Variants in CHAC2 observed in about 807,000 individuals in gnomAD.
CHAC2 encodes glutathione-specific gamma-glutamylcyclotransferase 2.
In CHAC2, 20 loss-of-function variants were observed where a neutral mutation model predicts 16.9. The observed-to-expected ratio is 1.18, with a 90% CI of 0.83 to 1.72. The LOEUF (loss-of-function observed/expected upper bound fraction) is 1.72. CHAC2 is among the 40% of genes most tolerant of loss of function. The pLI, the probability that CHAC2 is intolerant of heterozygous loss-of-function variation, is 0.00. For synonymous variants in CHAC2, 91 were observed against 77.3 expected (o/e 1.18, Z -0.93); for missense variants, 269 against 222.2 (o/e 1.21, Z -1.34).
chr2:53,768,851 C>A (rs1382143035), intron 1 of CHAC2, among the ~76,000 whole-genome samples: 1 of 152,128 alleles, frequency 6.6e-6, no homozygotes, highest in African/African-American at 2.4e-5. Context: ...AACAACTAAT[C>A]CATAAAGAAA....
Position 53,774,466 on chromosome 2 carries a change from G to A in CHAC2, c.496G>A (p.Ala166Thr), listed in dbSNP as rs757140753. ...VPEEADEHLF[A>T]LEKLVKERLE... ...AGAAGAAGCAGATGAGCATCTTTTC[G>A]CTTTGGAAAAATTAGTAAAGGAACG... The change falls in exon 3 of 3, where the codon GCT becomes ACT. Residue 166 changes from alanine (A) to threonine (T), a missense_variant. Physicochemically the swap from Ala to Thr is moderately conservative, Grantham distance 58. Transcript: ENST00000295304. The A allele has an allele frequency of 3.0e-5, 47 of 1,591,272 alleles. No homozygotes were observed. In the East Asian group the frequency reaches 3.4e-4, roughly 11 times the overall value.
rs749833800 is a variant in CHAC2 at position 53,768,015 on chromosome 2, C to A, written c.129C>A (p.Pro43=). The A allele has an allele frequency of 6.2e-7, 1 of 1,613,424 alleles. No homozygotes were observed. Among genetic ancestry groups the A allele is most frequent in the Non-Finnish European group, 8.5e-7 (1 of 1,179,974 alleles). ...WQGSTDHRGV[P]GKPGRVVTLV... ...GCAGCACGGACCACCGCGGGGTCCC[C>A]GGCAAGGTGAGGCGCCGGTCAGCTC... The change falls in exon 1 of 3, where the codon CCC becomes CCA. Residue 43 remains proline, a synonymous_variant. Coordinates refer to ENST00000295304, the MANE Select transcript of CHAC2 (RefSeq NM_001008708.4).
Position 53,774,402 on chromosome 2 carries a change from T to G in CHAC2, c.432T>G (p.Tyr144Ter), listed in dbSNP as rs752432878. 1 of 1,613,248 alleles carries G rather than the reference T, an allele frequency of 6.2e-7. No individual in the cohort carries two copies. Among genetic ancestry groups the G allele is most frequent in the Non-Finnish European group, 8.5e-7 (1 of 1,179,884 alleles). The stretch of plus-strand genomic sequence containing the variant: ...GTCCAAGTGGAAGAAATACAGAATA[T>G]CTTTTTGAACTTGCAAATTCTATTA... Reference protein sequence around the residue: ...AAGPSGRNTEYLFELANSIRN... With the variant: ...AAGPSGRNTE Residue 144 changes from tyrosine to a stop codon, truncating the protein, a stop_gained, in exon 3 of 3, where the codon TAT (tyrosine) becomes TAG (stop). Transcript: ENST00000295304. LOFTEE classifies it high-confidence loss of function.
rs2104176637 is a variant in CHAC2, at chr2:53,774,482, T to C, written c.512T>C (p.Val171Ala). 1.3e-6 allele frequency: 2 copies of C among 1,582,716 alleles called. No individual in the cohort carries two copies. The highest frequency in any genetic ancestry group is 4.5e-5 in the East Asian group (2 of 44,730). ...CATCTTTTCGCTTTGGAAAAATTAG[T>C]AAAGGAACGTTTAGAAGGGAAACAG... is the stretch of plus-strand genomic sequence containing the variant. ...DEHLFALEKL[V>A]KERLEGKQNL... The change falls in exon 3 of 3, where the codon GTA becomes GCA. Residue 171 changes from valine to alanine, a missense_variant. Coordinates refer to ENST00000295304, the MANE Select transcript of CHAC2 (RefSeq NM_001008708.4).
intron 1 of CHAC2, among the ~76,000 whole-genome samples, chr2:53,771,237 G>A (rs189468321): frequency 2.6e-5 from 4 of 152,254 alleles, no homozygotes; most frequent in Non-Finnish European, 4.4e-5. Context: ...ACTATAGGCC[G>A]GGTGCGGTGG....
In CHAC2 at chr2:53,767,851, G is replaced by A; in HGVS notation, c.-36G>A. 6.3e-7 allele frequency: 1 copy of A among 1,580,834 alleles called. No homozygotes were observed. The highest frequency in any genetic ancestry group is 1.1e-5 in the South Asian group (1 of 87,362). On this transcript the variant is annotated 5_prime_UTR_variant, in exon 1 of 3. Coordinates refer to ENST00000295304, the MANE Select transcript of CHAC2 (RefSeq NM_001008708.4). ...TCCCCGGCGGCGCGGCGACAGCTAG[G>A]GTTCACGGCCACTGGGGCAGAGGAG...
At chr2:53,773,634 T>C (rs1291472851) in intron 2 of CHAC2, among the ~76,000 whole-genome samples, 2 of 151,914 alleles carry the variant, frequency 1.3e-5, no homozygotes, top group Non-Finnish European at 2.9e-5. Context: ...TTTCACCATC[T>C]TGGCCAGGCT....
At position 53,767,881 on chromosome 2, in the gene CHAC2, GAGA is replaced by G. The variant is rs760120702; in HGVS notation, c.-2_1del. On this transcript the variant is annotated 5_prime_UTR_variant, in exon 1 of 3. Transcript: ENST00000295304. ...ACGGCCACTGGGGCAGAGGAGCCGC[GAGA>G]AGATGTGGGTTTTTGGTTACGGGTC... 3.7e-6 allele frequency: 6 copies of G among 1,606,004 alleles called. No individual in the cohort carries two copies. Among genetic ancestry groups the G allele is most frequent in the East Asian group, 2.2e-5 (1 of 44,560 alleles).
intron 1 of CHAC2, chr2:53,768,249 A>G: frequency 4.0e-6 from 2 of 501,754 alleles, no homozygotes; most frequent in Non-Finnish European, 6.9e-6. Context: ...TAGTCTCTAG[A>G]GACGGCGAGA....
Position 53,767,829 on chromosome 2 carries a change from CCGGCGGCG to C in CHAC2, c.-52_-45del. 1 of 1,553,178 alleles carries C rather than the reference CCGGCGGCG, an allele frequency of 6.4e-7. No homozygotes were observed. The highest frequency in any genetic ancestry group is 8.7e-7 in the Non-Finnish European group (1 of 1,146,162). Reference sequence around the variant, plus strand: ...ACTCGCTTACCGGAGGCTTCAGTCCCCGGCGGCGCGGCGACAGCTAGGGTTCACGGCCA... The same window carrying C: ...ACTCGCTTACCGGAGGCTTCAGTCCCCGGCGACAGCTAGGGTTCACGGCCA... On this transcript the variant is annotated 5_prime_UTR_variant, in exon 1 of 3. Coordinates refer to ENST00000295304, the MANE Select transcript of CHAC2 (RefSeq NM_001008708.4).
At chr2:53,770,661 T>G (rs560106464) in intron 1 of CHAC2, among the ~76,000 whole-genome samples, 9 of 152,150 alleles carry the variant, frequency 5.9e-5, no homozygotes, top group Non-Finnish European at 1.2e-4. Context: ...ATAAAACTTG[T>G]TTTGGCTTCA....
rs775635151 is a variant in CHAC2 at position 53,775,111 on chromosome 2, CTCT to C, written c.*591_*593del. The C allele has an allele frequency of 1.3e-5, 2 of 152,198 alleles. No homozygotes were observed. The highest frequency in any genetic ancestry group is 1.3e-4 in the Admixed American group (2 of 15,242). 9.4% of individuals were successfully genotyped at this position (152,198 alleles called of 1,614,324 possible). ...TCCTTGGAATTATAATGTACTGTACCTCTTCTTTTTTAAATAAAGGCATTTTAC... is the reference window on the plus strand; with the variant it reads ...TCCTTGGAATTATAATGTACTGTACCTCTTTTTTAAATAAAGGCATTTTAC... On this transcript the variant is annotated 3_prime_UTR_variant, in exon 3 of 3. Transcript: ENST00000295304.
chr2:53,772,006 T>C, intron 2 of CHAC2, 64 bp downstream of exon 2: 1 of 908,442 alleles, frequency 1.1e-6, no homozygotes, highest in Non-Finnish European at 1.7e-6. Context: ...TGTTTCTGTT[T>C]CAATTTGATT....
chr2:53,767,880 C>A lies in CHAC2; in HGVS notation c.-7C>A. 1 of 1,604,810 alleles carries A rather than the reference C, an allele frequency of 6.2e-7. No individual in the cohort carries two copies. Among genetic ancestry groups the A allele is most frequent in the Non-Finnish European group, 8.5e-7 (1 of 1,175,802 alleles). ...CACGGCCACTGGGGCAGAGGAGCCG[C>A]GAGAAGATGTGGGTTTTTGGTTACG... On this transcript the variant is annotated 5_prime_UTR_variant, in exon 1 of 3. Coordinates refer to ENST00000295304, the MANE Select transcript of CHAC2 (RefSeq NM_001008708.4).
In CHAC2 at chr2:53,773,260, G is replaced by A. The variant is rs1040011508; in HGVS notation, c.172-882G>A. Among the ~76,000 whole-genome samples, 56 of 150,664 alleles carry A rather than the reference G, an allele frequency of 3.7e-4. 1 individual carries two copies. The highest frequency in any genetic ancestry group is 1.3e-3 in the African/African-American group (53 of 40,338). The stretch of plus-strand genomic sequence containing the variant: ...GGCTCATATTTTTCATTTCAGTCCC[G>A]TTATTAAAGAAAAAGACCAAATTAA... On this transcript the variant is annotated intron_variant, in intron 2 of 2. Coordinates refer to ENST00000295304, the MANE Select transcript of CHAC2 (RefSeq NM_001008708.4).
At chr2:53,772,430 T>C (rs912027928) in intron 2 of CHAC2, among the ~76,000 whole-genome samples, 4 of 152,172 alleles carry the variant, frequency 2.6e-5, no homozygotes, top group African/African-American at 9.7e-5. Context: ...CGCCTTGGCC[T>C]CCCAAAGTGC....
At position 53,774,074 on chromosome 2, in the gene CHAC2, T is replaced by C. The variant is rs543053915; in HGVS notation, c.172-68T>C. ...AGAATATATGAGATACTCCCTTAGA[T>C]CACAACCTTTCTTCACCTATTTTAA... On this transcript the variant is annotated intron_variant, in intron 2 of 2. Coordinates refer to ENST00000295304, the MANE Select transcript of CHAC2 (RefSeq NM_001008708.4). 55 of 1,439,666 alleles carry C rather than the reference T, an allele frequency of 3.8e-5. No homozygotes were observed. In the African/African-American group the frequency reaches 7.3e-4, roughly 19 times the overall value. The allele number at this position is 1,439,666 out of a possible 1,614,324, so 89.2% of individuals were successfully genotyped here.
intron 1 of CHAC2, among the ~76,000 whole-genome samples, chr2:53,771,252 C>A (rs1451303260): frequency 6.6e-6 from 1 of 152,138 alleles, no homozygotes; most frequent in African/African-American, 2.4e-5. Context: ...CGGTGGCTCA[C>A]GCCTGTAATC....
intron 1 of CHAC2, among the ~76,000 whole-genome samples, chr2:53,769,242 A>G (rs973572871): frequency 3.3e-5 from 5 of 152,258 alleles, no homozygotes; most frequent in African/African-American, 9.6e-5. Flanking sequence ...TGGGCCCGGT[A>G]GCTCACGCCT....
Sources: gnomAD v4.1 joint callset for allele counts (sites outside exome capture counted in the v4.1 genomes callset) on GRCh38, gnomAD v4.1.1 for gene constraint, MANE v1.5 for transcripts, NCBI Gene and HGNC (gene_info 2026-07-23, HGNC 2026-07-21) for gene names.